The following ENTPD3 variants were observed in gnomAD, a reference collection of about 807,000 sequenced individuals.
ENTPD3 encodes the protein CD39 antigen-like 3.
In ENTPD3, 60 loss-of-function variants were observed where a neutral mutation model predicts 51.2. The observed-to-expected ratio is 1.17, with a 90% confidence interval of 0.95 to 1.45. ENTPD3 has a LOEUF of 1.45. ENTPD3 is among the 40% of genes most tolerant of loss of function. The pLI is 0.00. For missense variants in ENTPD3, 593 were observed against 641.1 expected (o/e 0.93, Z 0.81); for synonymous variants, 221 against 238.4 (o/e 0.93, Z 0.67).
chr3:40,422,763 G>A (rs1278632362), intron 7 of ENTPD3, 87 bp from the exon 8 acceptor site: 1 of 1,167,148 alleles, frequency 8.6e-7, no homozygotes, highest in African/African-American at 1.5e-5. Context: ...ATCACTATTG[G>A]ACATTTGGGT....
intron 2 of ENTPD3, 65 bp downstream of exon 2, chr3:40,388,162 CCTA>C: frequency 2.0e-6 from 3 of 1,481,250 alleles, no homozygotes; most frequent in Non-Finnish European, 2.8e-6. Flanking sequence ...CCAGCTTCGG[CCTA>C]CAGTTTTTCA....
At chr3:40,400,765 T>A in intron 3 of ENTPD3, 129 bp from the exon 4 acceptor site, 1 of 642,932 alleles carries the variant, frequency 1.6e-6, no homozygotes, top group Non-Finnish European at 2.7e-6. Flanking sequence ...ATAATTTTTC[T>A]TATTGATTAG....
At chr3:40,396,292 G>T (rs187302464) in intron 3 of ENTPD3, among the ~76,000 whole-genome samples, 50 of 152,332 alleles carry the variant, frequency 3.3e-4, no homozygotes, top group African/African-American at 1.2e-3. Flanking sequence ...GATATGGAGA[G>T]ATCTCTCTTT....
chr3:40,419,287 C>T (rs779261015), intron 7 of ENTPD3, among the ~76,000 whole-genome samples: 1 of 152,096 alleles, frequency 6.6e-6, no homozygotes, highest in Non-Finnish European at 1.5e-5. Context: ...AGGTAATCTT[C>T]CAACAAAATT....
chr3:40,400,283 A>G (rs1054050215), intron 3 of ENTPD3, among the ~76,000 whole-genome samples: 2 of 151,286 alleles, frequency 1.3e-5, no homozygotes, highest in Non-Finnish European at 1.5e-5. Context: ...AAAAAAAAAG[A>G]AAAAAGGAAA....
chr3:40,407,564 T>C (rs1955532884), intron 4 of ENTPD3, among the ~76,000 whole-genome samples: 1 of 151,884 alleles, frequency 6.6e-6, no homozygotes, highest in Non-Finnish European at 1.5e-5. Context: ...AAGTCGGGAG[T>C]TCGGGGGAGG....
At chr3:40,417,402 A>G (rs1381727160) in intron 7 of ENTPD3, among the ~76,000 whole-genome samples, 2 of 152,176 alleles carry the variant, frequency 1.3e-5, no homozygotes, top group Non-Finnish European at 2.9e-5. Flanking sequence ...CCCTTCTTAC[A>G]TGGGGGAATA....
chr3:40,423,828 C>T lies in ENTPD3; in HGVS notation c.1218C>T (p.Leu406=). ...CTCAGATGTTTTAAACCTTTCAGCT[C>T]CCACTGCTGCTCCCCAAATTTGATG... ...WNFCSQNWSQ[L]PLLLPKFDEV... Residue 406 remains leucine (L), a splice_region_variant and synonymous_variant, in exon 10 of 11, where the codon CTC becomes CTT. Coordinates refer to ENST00000301825, the MANE Select transcript of ENTPD3 (RefSeq NM_001248.4). The T allele has an allele frequency of 2.5e-6, 4 of 1,613,962 alleles. No individual in the cohort carries two copies. Among genetic ancestry groups the T allele is most frequent in the Non-Finnish European group, 3.4e-6 (4 of 1,179,910 alleles).
chr3:40,391,872 T>G, intron 2 of ENTPD3, 151 bp from the exon 3 acceptor site: 1 of 838,532 alleles, frequency 1.2e-6, no homozygotes, highest in Non-Finnish European at 1.9e-6. Flanking sequence ...GGAGCTTATT[T>G]GCTACTCCAT....
intron 3 of ENTPD3, among the ~76,000 whole-genome samples, chr3:40,396,203 G>C (rs1342844103): frequency 2.6e-5 from 4 of 152,320 alleles, no homozygotes; most frequent in Middle Eastern, 3.4e-3. Context: ...TGTGAGAAAA[G>C]ACAGATGTTC....
chr3:40,391,875 T>C, intron 2 of ENTPD3, 148 bp from the exon 3 acceptor site: 1 of 854,444 alleles, frequency 1.2e-6, no homozygotes, highest in South Asian at 1.5e-5. Context: ...GCTTATTTGC[T>C]ACTCCATCTT....
intron 7 of ENTPD3, 98 bp downstream of exon 7, chr3:40,416,171 A>C (rs952520929): frequency 1.3e-6 from 1 of 794,864 alleles, no homozygotes; most frequent in African/African-American, 1.7e-5. Context: ...CTCCACTTCA[A>C]TTGAAAGGTA....
At chr3:40,406,472 C>T (rs1205176098) in intron 4 of ENTPD3, among the ~76,000 whole-genome samples, 1 of 152,172 alleles carries the variant, frequency 6.6e-6, no homozygotes, top group African/African-American at 2.4e-5. Context: ...GGAACTAATA[C>T]GATATGACTT....
chr3:40,397,652 A>G (rs1166459092), intron 3 of ENTPD3, among the ~76,000 whole-genome samples: 1 of 152,208 alleles, frequency 6.6e-6, no homozygotes, highest in African/African-American at 2.4e-5. Context: ...CAAATCTAAG[A>G]AAGTTGACCT....
chr3:40,396,095 T>C (rs1370220302), intron 3 of ENTPD3, among the ~76,000 whole-genome samples: 1 of 152,190 alleles, frequency 6.6e-6, no homozygotes, highest in Non-Finnish European at 1.5e-5. Flanking sequence ...TTCTGAATCT[T>C]GGTAACAGAC....
At chr3:40,389,404 T>C (rs920488416) in intron 2 of ENTPD3, among the ~76,000 whole-genome samples, 7 of 152,220 alleles carry the variant, frequency 4.6e-5, no homozygotes, top group Admixed American at 2.0e-4. Context: ...TCCATGGCAG[T>C]TGGCTCTCCT....
intron 1 of ENTPD3, among the ~76,000 whole-genome samples, chr3:40,387,684 G>C (rs529803436): frequency 1.9e-4 from 29 of 152,104 alleles, no homozygotes; most frequent in Non-Finnish European, 4.1e-4. Context: ...CCTTGCTCAT[G>C]TTCTGAAAAA....
chr3:40,399,279 A>C (rs1478828228), intron 3 of ENTPD3, among the ~76,000 whole-genome samples: 1 of 152,160 alleles, frequency 6.6e-6, no homozygotes, highest in Non-Finnish European at 1.5e-5. Flanking sequence ...GTTGGATTTG[A>C]GGGATGCTTT....
chr3:40,406,597 G>A (rs181709158), intron 4 of ENTPD3, among the ~76,000 whole-genome samples: 188 of 152,302 alleles, frequency 1.2e-3, no homozygotes, highest in Non-Finnish European at 2.0e-3. Context: ...TTAGGTGATG[G>A]TCAATTTGCC....
Sources: allele counts gnomAD v4.1 joint callset (sites outside exome capture counted in the v4.1 genomes callset), GRCh38; gene constraint gnomAD v4.1.1; transcripts MANE v1.5; gene names NCBI Gene and HGNC (gene_info 2026-07-23, HGNC 2026-07-21).